The following CNTNAP5 variants were observed in gnomAD, a reference collection of about 807,000 sequenced individuals.
The protein encoded by CNTNAP5 is contactin-associated protein-like 5.
In CNTNAP5, 72 loss-of-function variants were observed where a neutral mutation model predicts 150.2. That is an observed-to-expected ratio of 0.48 (90% CI 0.40 to 0.58). The LOEUF (loss-of-function observed/expected upper bound fraction) is 0.58. Ranked by LOEUF, CNTNAP5 falls within the 20% of genes least tolerant of loss-of-function variation. CNTNAP5 has a pLI of 0.00. For synonymous variants in CNTNAP5, 672 were observed against 619.8 expected, an observed-to-expected ratio of 1.08 and a Z score of -1.25; for missense variants, 1,636 against 1,626.2, an observed-to-expected ratio of 1.01 and a Z score of -0.10.
chr2:124,506,191 GAAAAA>G (rs541248963), intron 8 of CNTNAP5, among the ~76,000 whole-genome samples: 13 of 129,294 alleles, frequency 1.0e-4, no homozygotes, highest in Admixed American at 9.3e-4. Flanking sequence ...GACTTTTAAA[GAAAAA>G]AAAAAAAAAA....
intron 21 of CNTNAP5, among the ~76,000 whole-genome samples, chr2:124,873,762 G>C (rs1360630439): frequency 2.0e-5 from 3 of 152,052 alleles, no homozygotes; most frequent in Non-Finnish European, 4.4e-5. Flanking sequence ...TTTTAGAAAA[G>C]ATTGCTTTGT....
At chr2:124,490,544 T>C (rs972405434) in intron 7 of CNTNAP5, among the ~76,000 whole-genome samples, 7 of 152,246 alleles carry the variant, frequency 4.6e-5, no homozygotes, top group African/African-American at 1.7e-4. Context: ...AGAGTTCTTA[T>C]GTAAGAAGTA....
In CNTNAP5 at chr2:124,764,161, A is replaced by C. The variant is rs1172372834; in HGVS notation, c.2533+14A>C. On this transcript the variant is annotated intron_variant, in intron 16 of 23. Transcript: ENST00000682447. ...TCGAAATAAGCTGTAAGTGCCCTCA[A>C]TTATGAATTTAATGTAACTGATCAA... The C allele has an allele frequency of 6.2e-7, 1 of 1,604,930 alleles. No homozygotes were observed. The highest frequency in any genetic ancestry group is 2.2e-5 in the East Asian group (1 of 44,768).
chr2:124,759,847 A>G (rs2105160210), intron 14 of CNTNAP5, among the ~76,000 whole-genome samples: 1 of 143,304 alleles, frequency 7.0e-6, no homozygotes, highest in Non-Finnish European at 1.5e-5. Flanking sequence ...TAGACTGTAT[A>G]TTTGACCACT....
intron 19 of CNTNAP5, among the ~76,000 whole-genome samples, chr2:124,825,423 A>C (rs1209987062): frequency 6.6e-6 from 1 of 152,224 alleles, no homozygotes; most frequent in Admixed American, 6.5e-5. Context: ...CTCTCCCTCA[A>C]GAAGGTCCCT....
At chr2:124,469,087 G>C (rs1693445797) in intron 6 of CNTNAP5, among the ~76,000 whole-genome samples, 1 of 152,178 alleles carries the variant, frequency 6.6e-6, no homozygotes, top group African/African-American at 2.4e-5. Flanking sequence ...CAATCCCTCA[G>C]GGAGAACCAG....
chr2:124,394,746 T>G (rs538997694), intron 3 of CNTNAP5, among the ~76,000 whole-genome samples: 169 of 152,282 alleles, frequency 1.1e-3, no homozygotes, highest in Non-Finnish European at 1.4e-3. Flanking sequence ...CTTGCCCAAG[T>G]CTCATTGTGG....
At chr2:124,277,292 A>G (rs1446104219) in intron 3 of CNTNAP5, among the ~76,000 whole-genome samples, 4 of 152,136 alleles carry the variant, frequency 2.6e-5, no homozygotes, top group Admixed American at 1.3e-4. Flanking sequence ...TTATACCTGA[A>G]GGGTAGAAAG....
intron 13 of CNTNAP5, among the ~76,000 whole-genome samples, chr2:124,721,528 A>AT (rs1358890118): frequency 6.6e-6 from 1 of 151,402 alleles, no homozygotes; most frequent in Non-Finnish European, 1.5e-5. Flanking sequence ...TAAATATTAA[A>AT]AAAACAAAAA....
At chr2:124,701,790 C>A (rs1679526962) in intron 13 of CNTNAP5, among the ~76,000 whole-genome samples, 1 of 151,956 alleles carries the variant, frequency 6.6e-6, no homozygotes, top group African/African-American at 2.4e-5. Context: ...TTTACATATG[C>A]CTGCTGGCCT....
At position 124,775,285 on chromosome 2, in the gene CNTNAP5, G is replaced by A. The variant is rs548672571; in HGVS notation, c.2752+2268G>A. On this transcript the variant is annotated intron_variant, in intron 17 of 23. Transcript: ENST00000682447. ...TATAGATAAATAAATAAGCATTTTG[G>A]TGCTTAGTTATAGTCACCAAAATGA... 1.1e-4 allele frequency among the ~76,000 whole-genome samples: 17 copies of A among 152,128 alleles called. 1 individual carries two copies. Among genetic ancestry groups the A allele is most frequent in the African/African-American group, 3.6e-4 (15 of 41,490 alleles).
intron 3 of CNTNAP5, among the ~76,000 whole-genome samples, chr2:124,411,225 G>A (rs2104769753): frequency 1.3e-5 from 2 of 152,216 alleles, no homozygotes; most frequent in Middle Eastern, 6.8e-3. Flanking sequence ...CTGAAATTGT[G>A]GCAATAATCA....
intron 14 of CNTNAP5, among the ~76,000 whole-genome samples, chr2:124,753,287 C>G (rs1290797898): frequency 6.6e-6 from 1 of 152,110 alleles, no homozygotes; most frequent in Non-Finnish European, 1.5e-5. Flanking sequence ...GAGCTTTAAG[C>G]TACTACTTAC....
In CNTNAP5 at chr2:124,361,377, G is replaced by A. The variant is rs1331062002; in HGVS notation, c.382-56066G>A. The stretch of plus-strand genomic sequence containing the variant: ...GGAACTGCATTCCTTTGGAGGAGGA[G>A]AGGAGCTCTGCATTTTAGAGTTTCC... On this transcript the variant is annotated intron_variant, in intron 3 of 23. Coordinates refer to ENST00000682447, the MANE Select transcript of CNTNAP5 (RefSeq NM_001367498.1). Among the ~76,000 whole-genome samples the A allele has an allele frequency of 1.4e-5, 2 of 144,408 alleles. 1 individual carries two copies. Among genetic ancestry groups the A allele is most frequent in the Admixed American group, 1.4e-4 (2 of 14,222 alleles). The allele number at this position is 144,408 out of a possible 152,430, so 94.7% of individuals were successfully genotyped here. A position where few individuals can be genotyped will look rare whatever the true frequency, so the allele number is the denominator to read the frequency against.
intron 22 of CNTNAP5, among the ~76,000 whole-genome samples, chr2:124,904,784 A>T (rs748478714): frequency 2.0e-5 from 3 of 152,058 alleles, no homozygotes; most frequent in Non-Finnish European, 4.4e-5. Flanking sequence ...GGAAGGGAAC[A>T]TAAGGACAGA....
intron 3 of CNTNAP5, among the ~76,000 whole-genome samples, chr2:124,391,146 C>A (rs891556488): frequency 2.6e-5 from 4 of 152,082 alleles, no homozygotes; most frequent in Non-Finnish European, 4.4e-5. Flanking sequence ...ATAAAATATA[C>A]CTCACAGAGA....
intron 13 of CNTNAP5, 75 bp from the exon 14 acceptor site, chr2:124,747,154 G>C (rs1009630219): frequency 2.3e-5 from 33 of 1,411,700 alleles, no homozygotes; most frequent in Non-Finnish European, 3.2e-5. Context: ...GATATTTTCA[G>C]CTCAGTTTCT....
intron 12 of CNTNAP5, among the ~76,000 whole-genome samples, chr2:124,627,334 C>T (rs927635338): frequency 2.6e-5 from 4 of 152,126 alleles, no homozygotes; most frequent in African/African-American, 7.2e-5. Context: ...TCCCAGCGGA[C>T]ATCAGGTCAG....
intron 3 of CNTNAP5, among the ~76,000 whole-genome samples, chr2:124,382,501 C>T (rs368219554): frequency 3.9e-5 from 6 of 152,224 alleles, no homozygotes; most frequent in Admixed American, 3.3e-4. Context: ...CAATGTACTC[C>T]TCTTTCCAGC....
Sources: gnomAD v4.1 joint callset for allele counts (sites outside exome capture counted in the v4.1 genomes callset) on GRCh38, gnomAD v4.1.1 for gene constraint, MANE v1.5 for transcripts, NCBI Gene and HGNC (gene_info 2026-07-23, HGNC 2026-07-21) for gene names.